The following MEGF6 variants were observed in gnomAD, a reference collection of about 807,000 sequenced individuals.
MEGF6 encodes multiple EGF like domains 6, also known as multiple epidermal growth factor-like domains protein 6.
Under a neutral mutation model 207.1 loss-of-function variants are expected in MEGF6, and 184 were observed. That is an observed-to-expected ratio of 0.89 (90% confidence interval 0.79 to 1.00). The LOEUF (loss-of-function observed/expected upper bound fraction) is 1.00. Among genes scored for constraint, MEGF6 ranks in the 50% least tolerant of loss-of-function variants. The probability of loss-of-function intolerance (pLI) is 0.00; values close to 1 mark genes in which losing one functional copy is unlikely to be tolerated. For missense variants in MEGF6, 2,282 were observed against 2,202.9 expected (o/e 1.04, Z -0.72); for synonymous variants, 1,038 against 910.0 (o/e 1.14, Z -2.53).
At chr1:3,510,102 A>G (rs1021790374) in intron 10 of MEGF6, 110 bp from the exon 11 acceptor site, 12 of 1,382,956 alleles carry the variant, frequency 8.7e-6, no homozygotes, top group Non-Finnish European at 5.8e-6. Flanking sequence ...GCCCTGCCAG[A>G]GCTGAGTAGC....
chr1:3,531,068 C>T, intron 4 of MEGF6: 2 of 1,515,564 alleles, frequency 1.3e-6, no homozygotes, highest in Non-Finnish European at 1.8e-6. Context: ...CCCAGGCTCG[C>T]CCGGCGCCCA....
intron 5 of MEGF6, among the ~76,000 whole-genome samples, chr1:3,521,994 C>CA (rs1361382648): frequency 6.6e-6 from 1 of 152,232 alleles, no homozygotes; most frequent in Non-Finnish European, 1.5e-5. Flanking sequence ...CTCAACTAGC[C>CA]AAAGGCTAGT....
intron 4 of MEGF6, among the ~76,000 whole-genome samples, chr1:3,553,657 G>A (rs528153711): frequency 2.6e-5 from 4 of 152,218 alleles, no homozygotes; most frequent in Non-Finnish European, 5.9e-5. Context: ...TGTCACCCAG[G>A]CAGGTCAGGG....
chr1:3,505,070 G>T, intron 17 of MEGF6, 138 bp downstream of exon 17: 1 of 967,428 alleles, frequency 1.0e-6, no homozygotes, highest in Non-Finnish European at 1.4e-6. Context: ...AACACCGGTA[G>T]CAAGGCACCA....
chr1:3,578,059 G>A (rs1312697683), intron 4 of MEGF6, among the ~76,000 whole-genome samples: 2 of 152,154 alleles, frequency 1.3e-5, no homozygotes, highest in African/African-American at 4.8e-5. Flanking sequence ...CTGACGGTGG[G>A]CAGAAGGCCA....
rs973646828 is a variant in MEGF6 at position 3,494,571 on chromosome 1, C to A, written c.4000+42G>T. ...AGCCCTATGGCAGCCCAGGGCACCT[C>A]CCTGAGGGGATGCTGGGGTCCCGCT... On this transcript the variant is annotated intron_variant, in intron 31 of 36. Transcript: ENST00000356575. 7 of 1,560,900 alleles carry A rather than the reference C, an allele frequency of 4.5e-6. No homozygotes were observed. In the African/African-American group the frequency reaches 9.5e-5, roughly 21 times the overall value.
chr1:3,557,354 T>C (rs1031745877), intron 4 of MEGF6, among the ~76,000 whole-genome samples: 3 of 152,120 alleles, frequency 2.0e-5, no homozygotes, highest in Non-Finnish European at 2.9e-5. Flanking sequence ...GAACGCAGCT[T>C]CCCCCGCAGA....
intron 4 of MEGF6, among the ~76,000 whole-genome samples, chr1:3,524,744 C>T (rs56701664): frequency 6.6e-6 from 1 of 152,134 alleles, no homozygotes; most frequent in Non-Finnish European, 1.5e-5. Flanking sequence ...CCATCTGGAG[C>T]CTTCCAGTGA....
chr1:3,554,852 G>T (rs1357735625), intron 4 of MEGF6, among the ~76,000 whole-genome samples: 1 of 152,250 alleles, frequency 6.6e-6, no homozygotes, highest in Admixed American at 6.5e-5. Flanking sequence ...AAAGGTCACA[G>T]TTCCCTGAGA....
chr1:3,535,378 C>T (rs1279067235), intron 4 of MEGF6, among the ~76,000 whole-genome samples: 10 of 152,190 alleles, frequency 6.6e-5, no homozygotes, highest in African/African-American at 2.2e-4. Context: ...CCCATCTCAC[C>T]CTCAGGGTCA....
At chr1:3,609,797 C>T (rs781340819) in intron 1 of MEGF6, among the ~76,000 whole-genome samples, 12 of 152,214 alleles carry the variant, frequency 7.9e-5, no homozygotes, top group East Asian at 1.9e-4. Context: ...AGTCCGGCAG[C>T]GGGCCCAGGA....
At chr1:3,538,948 G>A (rs1570091090) in intron 4 of MEGF6, among the ~76,000 whole-genome samples, 1 of 152,178 alleles carries the variant, frequency 6.6e-6, no homozygotes, top group African/African-American at 2.4e-5. Context: ...CAGGCAAGAG[G>A]ATGCCCCAGG....
At chr1:3,552,627 G>A (rs1642922172) in intron 4 of MEGF6, among the ~76,000 whole-genome samples, 1 of 152,246 alleles carries the variant, frequency 6.6e-6, no homozygotes, top group African/African-American at 2.4e-5. Flanking sequence ...GAGCCCGGGA[G>A]TTCAAGGCTG....
chr1:3,509,371 T>A, intron 11 of MEGF6, 126 bp from the exon 12 acceptor site: 1 of 724,354 alleles, frequency 1.4e-6, no homozygotes, highest in South Asian at 2.6e-5. Flanking sequence ...CTGCCTCCAC[T>A]ACCCCCACCT....
At chr1:3,566,012 G>T (rs1408871472) in intron 4 of MEGF6, among the ~76,000 whole-genome samples, 1 of 152,182 alleles carries the variant, frequency 6.6e-6, no homozygotes, top group African/African-American at 2.4e-5. Flanking sequence ...CACGGTGGGT[G>T]ACCTCCCCCA....
chr1:3,563,357 G>A (rs1643257312), intron 4 of MEGF6, among the ~76,000 whole-genome samples: 1 of 152,094 alleles, frequency 6.6e-6, no homozygotes, highest in Non-Finnish European at 1.5e-5. Context: ...TTGGTGGACA[G>A]AGCCTCCCAC....
At chr1:3,554,222 C>A (rs1181880497) in intron 4 of MEGF6, among the ~76,000 whole-genome samples, 1 of 152,168 alleles carries the variant, frequency 6.6e-6, no homozygotes, top group African/African-American at 2.4e-5. Context: ...GACGACACCT[C>A]AGGAGGAGAC....
intron 36 of MEGF6, 78 bp downstream of exon 36, chr1:3,490,834 T>C: frequency 2.0e-6 from 3 of 1,514,148 alleles, no homozygotes; most frequent in Non-Finnish European, 2.7e-6. Context: ...GGGCCCAGAT[T>C]ATACTTAAGC....
rs778432369 is a variant in MEGF6 at position 3,501,071 on chromosome 1, G to T, written c.2470C>A (p.Pro824Thr). Reference protein sequence around the residue: ...QDVCPAGWYGPSCQTRCSCAN... With the variant: ...QDVCPAGWYGTSCQTRCSCAN... ...CAAGAGCACCTTGTCTGGCAGCTGG[G>T]ACCATACCAGCCTGCTGGGCACACT... is the stretch of plus-strand genomic sequence containing the variant. Residue 824 changes from proline (P) to threonine (T), a missense_variant, in exon 20 of 37, where the codon CCC becomes ACC. Coordinates refer to ENST00000356575, the MANE Select transcript of MEGF6 (RefSeq NM_001409.4). 2 of 1,612,744 alleles carry T rather than the reference G, an allele frequency of 1.2e-6. No individual in the cohort carries two copies. The highest frequency in any genetic ancestry group is 2.2e-5 in the East Asian group (1 of 44,878).
Sources: gnomAD v4.1 joint callset for allele counts (sites outside exome capture counted in the v4.1 genomes callset) on GRCh38, gnomAD v4.1.1 for gene constraint, MANE v1.5 for transcripts, NCBI Gene and HGNC (gene_info 2026-07-23, HGNC 2026-07-21) for gene names.